The following UBE2L5 variants were observed in gnomAD, a reference collection of about 807,000 sequenced individuals.
The protein encoded by UBE2L5 is ubiquitin-conjugating enzyme E2 L5.
Under a neutral mutation model 10.0 loss-of-function variants are expected in UBE2L5, and 3 were observed. The ratio of observed to expected loss-of-function variants is 0.30; its 90% CI spans 0.14 to 0.78. The LOEUF is 0.78. Among genes scored for constraint, UBE2L5 ranks in the 30% least tolerant of loss-of-function variants. The probability of loss-of-function intolerance (pLI) is 0.65; values close to 1 mark genes in which losing one functional copy is unlikely to be tolerated. For missense variants in UBE2L5, 131 were observed against 193.3 expected, an observed-to-expected ratio of 0.68 and a Z score of 1.91; for synonymous variants, 60 against 71.9, an observed-to-expected ratio of 0.83 and a Z score of 0.83.
chr13:30,423,158 A>T (rs1186613762), intron 1 of UBE2L5, among the ~76,000 whole-genome samples: 2 of 152,346 alleles, frequency 1.3e-5, no homozygotes, highest in African/African-American at 4.8e-5. Flanking sequence ...ACAGACAGAC[A>T]TGGATAACTT....
Position 30,428,489 on chromosome 13 carries a change from A to G in UBE2L5, c.*34A>G, listed in dbSNP as rs1885572697. The G allele has an allele frequency of 5.0e-6, 8 of 1,608,230 alleles. No individual in the cohort carries two copies. The Middle Eastern group carries it at 1.1e-3, about 227-fold the overall frequency. On this transcript the variant is annotated 3_prime_UTR_variant, in exon 4 of 4. Coordinates refer to ENST00000635918, the MANE Select transcript of UBE2L5 (RefSeq NM_001355247.2). ...ACGATTGGTTCCAGCAAGTGTGAGCAGAGACCCCGTGCAGTACATTCAGAC... is the reference window on the plus strand; with the variant it reads ...ACGATTGGTTCCAGCAAGTGTGAGCGGAGACCCCGTGCAGTACATTCAGAC...
At chr13:30,424,404 C>T (rs1394503786) in intron 1 of UBE2L5, among the ~76,000 whole-genome samples, 1 of 152,152 alleles carries the variant, frequency 6.6e-6, no homozygotes, top group Non-Finnish European at 1.5e-5. Flanking sequence ...TTCCTTTAGG[C>T]AGATTCAACC....
At chr13:30,423,087 GTTGT>G (rs1312416304) in intron 1 of UBE2L5, among the ~76,000 whole-genome samples, 5 of 152,162 alleles carry the variant, frequency 3.3e-5, no homozygotes, top group South Asian at 4.1e-4. Context: ...GCTTTAGAAT[GTTGT>G]TTATCATGTC....
chr13:30,428,118 A>G lies in UBE2L5; in HGVS notation c.128A>G (p.Asn43Ser). 6.2e-7 allele frequency: 1 copy of G among 1,609,532 alleles called. No homozygotes were observed. The highest frequency in any genetic ancestry group is 1.7e-5 in the Admixed American group (1 of 59,982). Residue 43 changes from asparagine (N) to serine (S), a missense_variant, in exon 4 of 4, where the codon AAC (asparagine) becomes AGC (serine). Transcript: ENST00000635918. ...LTWQGLIVPD[N>S]PPYNKGAFRI... ...TGGCAAGGGCTTATTGTTCCTGACAACCCTCCGTATAATAAGGGGGCCTTC... is the reference window on the plus strand; with the variant it reads ...TGGCAAGGGCTTATTGTTCCTGACAGCCCTCCGTATAATAAGGGGGCCTTC...
rs547251241 is a variant in UBE2L5, at chr13:30,428,335, G to A, written c.345G>A (p.Pro115=). 71 of 1,610,198 alleles carry A rather than the reference G, an allele frequency of 4.4e-5. 1 individual carries two copies. In the South Asian group the frequency reaches 7.2e-4, roughly 16 times the overall value. Residue 115 remains proline (P), a synonymous_variant, in exon 4 of 4, where the codon CCG becomes CCA. Transcript: ENST00000635918. ...CCCTCATAGCACTGGTGAATGACCC[G>A]CAGCCCGAGCACCCGCTTCGGGCTG... ...IQSLIALVND[P]QPEHPLRADL...
rs547251241 is a variant in UBE2L5, at chr13:30,428,335, G to C, written c.345G>C (p.Pro115=). The change falls in exon 4 of 4, where the codon CCG becomes CCC. Residue 115 remains proline, a synonymous_variant. Coordinates refer to ENST00000635918, the MANE Select transcript of UBE2L5 (RefSeq NM_001355247.2). The stretch of plus-strand genomic sequence containing the variant: ...CCCTCATAGCACTGGTGAATGACCC[G>C]CAGCCCGAGCACCCGCTTCGGGCTG... ...IQSLIALVND[P]QPEHPLRADL... 9.3e-6 allele frequency: 15 copies of C among 1,610,076 alleles called. No individual in the cohort carries two copies. The East Asian group carries it at 3.1e-4, about 33-fold the overall frequency.
At position 30,427,954 on chromosome 13, in the gene UBE2L5, C is replaced by T; in HGVS notation, c.-37C>T. 1 of 1,300,246 alleles carries T rather than the reference C, an allele frequency of 7.7e-7. No homozygotes were observed. The highest frequency in any genetic ancestry group is 1.1e-6 in the Non-Finnish European group (1 of 897,620). 80.5% of individuals were successfully genotyped at this position (1,300,246 alleles called of 1,614,324 possible). ...CAACCATTAAAAGTGGCCGTTACCA[C>T]GATGCATTCTGGGAAAGAAGCAGCA... is the stretch of plus-strand genomic sequence containing the variant. On this transcript the variant is annotated 5_prime_UTR_variant, in exon 4 of 4. The change creates a new upstream start codon in the 5' untranslated region. Coordinates refer to ENST00000635918, the MANE Select transcript of UBE2L5 (RefSeq NM_001355247.2).
intron 2 of UBE2L5, among the ~76,000 whole-genome samples, chr13:30,426,441 G>A (rs527777493): frequency 3.3e-5 from 5 of 152,278 alleles, no homozygotes; most frequent in South Asian, 2.1e-4. Context: ...ATACAGCAAC[G>A]GACAAAATTA....
At chr13:30,424,506 GT>G (rs1356273562) in intron 1 of UBE2L5, among the ~76,000 whole-genome samples, 6 of 152,144 alleles carry the variant, frequency 3.9e-5, no homozygotes, top group African/African-American at 1.4e-4. Context: ...GCCGTGAGAT[GT>G]AGGAGAGTGT....
chr13:30,425,982 C>T (rs921142918), intron 2 of UBE2L5, among the ~76,000 whole-genome samples: 7 of 150,494 alleles, frequency 4.7e-5, no homozygotes, highest in African/African-American at 1.7e-4. Context: ...CCATTGCACT[C>T]CAGCCTGGGT....
intron 1 of UBE2L5, among the ~76,000 whole-genome samples, chr13:30,423,534 T>A (rs1438194301): frequency 6.6e-6 from 1 of 152,166 alleles, no homozygotes; most frequent in Non-Finnish European, 1.5e-5. Flanking sequence ...GGCATGAGCC[T>A]GGGAAGTGAA....
At position 30,428,175 on chromosome 13, in the gene UBE2L5, C is replaced by T. The variant is rs1222568021; in HGVS notation, c.185C>T (p.Pro62Leu). The T allele has an allele frequency of 5.6e-6, 9 of 1,606,194 alleles. No homozygotes were observed. The highest frequency in any genetic ancestry group is 6.8e-6 in the Non-Finnish European group (8 of 1,172,958). ...GAAATCAACTTTCCAGCAGAGTACC[C>T]ATTCAAACCACCGAGGATCACATTT... is the stretch of plus-strand genomic sequence containing the variant. Reference protein sequence around the residue: ...RIEINFPAEYPFKPPRITFKT... With the variant: ...RIEINFPAEYLFKPPRITFKT... Residue 62 changes from proline (P) to leucine (L), a missense_variant, in exon 4 of 4, where the codon CCA becomes CTA. Coordinates refer to ENST00000635918, the MANE Select transcript of UBE2L5 (RefSeq NM_001355247.2).
chr13:30,424,024 C>T (rs1885504665), intron 1 of UBE2L5, among the ~76,000 whole-genome samples: 1 of 152,150 alleles, frequency 6.6e-6, no homozygotes, highest in Non-Finnish European at 1.5e-5. Flanking sequence ...GTAGTTTAAA[C>T]TTTTGAATTA....
rs1229169430 is a variant in UBE2L5 at position 30,429,291 on chromosome 13, C to CT, written c.*836_*837insT. 6.6e-6 allele frequency among the ~76,000 whole-genome samples: 1 copy of CT among 151,178 alleles called. No individual in the cohort carries two copies. The highest frequency in any genetic ancestry group is 2.4e-5 in the African/African-American group (1 of 40,982). ...CAAGAGCAAAACTCTGTCCCCCCCC[C>CT]ACAAAAAAAAATTGATTGAAATACC... On this transcript the variant is annotated 3_prime_UTR_variant, in exon 4 of 4. Transcript: ENST00000635918.
Position 30,427,814 on chromosome 13 carries a change from A to AG in UBE2L5, c.-177_-176insG, listed in dbSNP as rs1336272019. The AG allele has an allele frequency of 1.7e-6, 1 of 595,862 alleles. No individual in the cohort carries two copies. The highest frequency in any genetic ancestry group is 1.9e-5 in the African/African-American group (1 of 53,326). The allele number at this position is 595,862 out of a possible 1,614,324, so 36.9% of individuals were successfully genotyped here. ...GAGAGACTCTGGCTAAAAAAAAAAAAAATTATAATGTATAGGATTGTGGAT... is the reference window on the plus strand; with the variant it reads ...GAGAGACTCTGGCTAAAAAAAAAAAAGAATTATAATGTATAGGATTGTGGAT... On this transcript the variant is annotated 5_prime_UTR_variant, in exon 4 of 4. The change creates a premature stop within an existing upstream ORF in the 5' untranslated region. Coordinates refer to ENST00000635918, the MANE Select transcript of UBE2L5 (RefSeq NM_001355247.2).
Position 30,428,606 on chromosome 13 carries a change from T to A in UBE2L5, c.*151T>A. 1 of 850,258 alleles carries A rather than the reference T, an allele frequency of 1.2e-6. No homozygotes were observed. Among genetic ancestry groups the A allele is most frequent in the Non-Finnish European group, 1.8e-6 (1 of 565,474 alleles). 52.7% of individuals were successfully genotyped at this position (850,258 alleles called of 1,614,324 possible). On this transcript the variant is annotated 3_prime_UTR_variant, in exon 4 of 4. Transcript: ENST00000635918. ...ACTAACTTTCTACAGTTTTCTTAAT[T>A]AAAAGTGGTCTAGGTAACCTGTAAA...
At chr13:30,423,372 G>T (rs745834495) in intron 1 of UBE2L5, among the ~76,000 whole-genome samples, 1 of 152,202 alleles carries the variant, frequency 6.6e-6, no homozygotes, top group Non-Finnish European at 1.5e-5. Flanking sequence ...AGCACTTTGG[G>T]AGGCTGAGGC....
rs962131266 is a variant in UBE2L5, at chr13:30,428,187, C to G, written c.197C>G (p.Pro66Arg). 99 of 1,606,830 alleles carry G rather than the reference C, an allele frequency of 6.2e-5. No homozygotes were observed. The highest frequency in any genetic ancestry group is 6.6e-5 in the Non-Finnish European group (78 of 1,173,564). The change falls in exon 4 of 4, where the codon CCG becomes CGG. Residue 66 changes from proline to arginine, a missense_variant. Pro to Arg is a moderately radical substitution (Grantham distance 103). Coordinates refer to ENST00000635918, the MANE Select transcript of UBE2L5 (RefSeq NM_001355247.2). The stretch of plus-strand genomic sequence containing the variant: ...CCAGCAGAGTACCCATTCAAACCAC[C>G]GAGGATCACATTTAAAACAAAGATC... ...NFPAEYPFKP[P>R]RITFKTKIYH... is the part of the protein sequence containing the mutation.
At position 30,422,617 on chromosome 13, in the gene UBE2L5, G is replaced by C. The variant is rs1460296320; in HGVS notation, c.-839G>C. The stretch of plus-strand genomic sequence containing the variant: ...AAATAAATGAGATTAGAACCTGCTG[G>C]CTTCACTTCCTGGAGGCTTTTTGTT... On this transcript the variant is annotated 5_prime_UTR_variant, in exon 1 of 4. Transcript: ENST00000635918. 1 of 152,204 alleles carries C rather than the reference G, an allele frequency of 6.6e-6. No homozygotes were observed. Among genetic ancestry groups the C allele is most frequent in the Non-Finnish European group, 1.5e-5 (1 of 68,044 alleles). 9.4% of individuals were successfully genotyped at this position (152,204 alleles called of 1,614,324 possible).
Sources: gnomAD v4.1 joint callset for allele counts (sites outside exome capture counted in the v4.1 genomes callset) on GRCh38, gnomAD v4.1.1 for gene constraint, MANE v1.5 for transcripts, NCBI Gene and HGNC (gene_info 2026-07-23, HGNC 2026-07-21) for gene names.